Variants in PACSIN2 observed in about 807,000 individuals in gnomAD.
PACSIN2 encodes protein kinase C and casein kinase substrate in neurons protein 2.
PACSIN2 carries 25 observed loss-of-function variants against 63.8 expected under a neutral mutation model. That is an observed-to-expected ratio of 0.39 (90% CI 0.29 to 0.55). PACSIN2 has a LOEUF of 0.55. PACSIN2 is among the 20% of genes least tolerant of loss of function. The pLI is 0.62. For synonymous variants in PACSIN2, 255 were observed against 256.2 expected, an observed-to-expected ratio of 1.00 and a Z score of 0.05; for missense variants, 518 against 646.9, an observed-to-expected ratio of 0.80 and a Z score of 2.16.
At position 42,876,179 on chromosome 22, in the gene PACSIN2, C is replaced by T; in HGVS notation, c.1306G>A (p.Asp436Asn). ...TCATCATGCTCCTGCCCCTCATAGT[C>T]ATACAGGGCCCGGACTCGCACTTCC... The part of the protein sequence containing the change: ...GTEVRVRALY[D>N]YEGQEHDELS... The change falls in exon 10 of 11, where the codon GAC (aspartate) becomes AAC (asparagine). Residue 436 changes from aspartate to asparagine, a missense_variant. This residue lies in a region of PACSIN2 where 507 missense variants were observed against 612.3 expected (regional missense o/e 0.83). Coordinates refer to ENST00000263246, the MANE Select transcript of PACSIN2 (RefSeq NM_001184970.3). The T allele has an allele frequency of 6.2e-7, 1 of 1,614,230 alleles. No individual in the cohort carries two copies. The highest frequency in any genetic ancestry group is 8.5e-7 in the Non-Finnish European group (1 of 1,180,034).
In PACSIN2 at chr22:42,900,253, C is replaced by T. The variant is rs572639073; in HGVS notation, c.61-6640G>A. ...TCCCCATGCCCTTCGGGTCACAGCT[C>T]GTCTCAAAATTGCCTCGAGCACATT... is the stretch of plus-strand genomic sequence containing the variant. On this transcript the variant is annotated intron_variant, in intron 2 of 10. Coordinates refer to ENST00000263246, the MANE Select transcript of PACSIN2 (RefSeq NM_001184970.3). Among the ~76,000 whole-genome samples, 8 of 152,240 alleles carry T rather than the reference C, an allele frequency of 5.3e-5. No individual in the cohort carries two copies. In the South Asian group the frequency reaches 1.2e-3, roughly 24 times the overall value.
chr22:42,954,426 T>C (rs1263261061), intron 1 of PACSIN2, among the ~76,000 whole-genome samples: 1 of 152,060 alleles, frequency 6.6e-6, no homozygotes, highest in Non-Finnish European at 1.5e-5. Context: ...AGACAGGGTG[T>C]CCCTCTGTCA....
At chr22:42,875,597 G>A (rs1602163217) in intron 10 of PACSIN2, among the ~76,000 whole-genome samples, 1 of 151,794 alleles carries the variant, frequency 6.6e-6, no homozygotes, top group East Asian at 1.9e-4. Context: ...GTACAGTGGT[G>A]TGACCTTGGC....
chr22:42,980,550 G>A (rs1187368679), intron 1 of PACSIN2, among the ~76,000 whole-genome samples: 7 of 131,632 alleles, frequency 5.3e-5, no homozygotes, highest in Admixed American at 4.8e-4. Flanking sequence ...AAAGCTGGAC[G>A]GTACTGCTGC....
At chr22:42,885,779 G>C (rs1295800174) in intron 5 of PACSIN2, among the ~76,000 whole-genome samples, 1 of 152,102 alleles carries the variant, frequency 6.6e-6, no homozygotes. Flanking sequence ...CCGGGTCCTT[G>C]CTCTGCTTCT....
At chr22:42,919,364 G>A (rs971134429) in intron 1 of PACSIN2, among the ~76,000 whole-genome samples, 7 of 152,174 alleles carry the variant, frequency 4.6e-5, no homozygotes, top group Admixed American at 6.5e-5. Context: ...AAAGTGCAAA[G>A]TGACAGACAA....
intron 1 of PACSIN2, among the ~76,000 whole-genome samples, chr22:42,930,967 G>A (rs1170633819): frequency 6.6e-6 from 1 of 152,230 alleles, no homozygotes; most frequent in Non-Finnish European, 1.5e-5. Flanking sequence ...TGACTCTGAA[G>A]AGTGACAGGC....
intron 2 of PACSIN2, among the ~76,000 whole-genome samples, chr22:42,901,375 G>C (rs1930672105): frequency 6.6e-6 from 1 of 152,348 alleles, no homozygotes; most frequent in East Asian, 1.9e-4. Flanking sequence ...TTAATTCCAA[G>C]TCTGCAGTTG....
rs145000608 is a variant in PACSIN2 at position 43,015,034 on chromosome 22, G to C, written c.-91C>G. ...GCGGCCACTCACCTCCCAATCCGTC[G>C]CACACTCCGTTCAGGCTGCCACGGC... On this transcript the variant is annotated 5_prime_UTR_variant, in exon 1 of 11. Coordinates refer to ENST00000263246, the MANE Select transcript of PACSIN2 (RefSeq NM_001184970.3). 7,075 of 152,030 alleles carry C rather than the reference G, an allele frequency of 0.047. 579 individuals carry two copies. Among genetic ancestry groups the C allele is most frequent in the African/African-American group, 0.16 (6,774 of 41,428 alleles). The allele number at this position is 152,030 out of a possible 1,614,324, so 9.4% of individuals were successfully genotyped here.
chr22:42,975,342 G>A (rs1338731820), intron 1 of PACSIN2, among the ~76,000 whole-genome samples: 3 of 151,856 alleles, frequency 2.0e-5, no homozygotes, highest in Non-Finnish European at 2.9e-5. Context: ...AAGGGGGCTG[G>A]GCATGGTGGC....
chr22:42,881,189 G>A (rs1387310108), intron 7 of PACSIN2, among the ~76,000 whole-genome samples: 1 of 152,194 alleles, frequency 6.6e-6, no homozygotes, highest in Non-Finnish European at 1.5e-5. Context: ...AAGAAGTGCA[G>A]GAGTAAGGAC....
chr22:42,918,344 G>A (rs1931947690), intron 1 of PACSIN2, among the ~76,000 whole-genome samples: 2 of 152,186 alleles, frequency 1.3e-5, no homozygotes, highest in South Asian at 4.1e-4. Flanking sequence ...ATCAAACCAA[G>A]CAAGACTGCT....
At chr22:42,933,119 C>T (rs1479841999) in intron 1 of PACSIN2, among the ~76,000 whole-genome samples, 1 of 152,186 alleles carries the variant, frequency 6.6e-6, no homozygotes, top group Non-Finnish European at 1.5e-5. Flanking sequence ...TATTCAGAAC[C>T]TAGTCTATTA....
intron 1 of PACSIN2, among the ~76,000 whole-genome samples, chr22:42,948,163 G>A (rs12161016): frequency 1.1e-4 from 17 of 152,276 alleles, no homozygotes; most frequent in African/African-American, 3.9e-4. Flanking sequence ...CCCAGTGCAG[G>A]GTCCCGCTGG....
At chr22:42,929,703 G>A (rs1334782365) in intron 1 of PACSIN2, among the ~76,000 whole-genome samples, 4 of 152,134 alleles carry the variant, frequency 2.6e-5, no homozygotes, top group African/African-American at 4.8e-5. Context: ...ACTTCAACTC[G>A]GACAAGGCAG....
chr22:42,888,744 T>C lies in PACSIN2; in HGVS notation c.508A>G (p.Ile170Val). 2 of 1,613,980 alleles carry C rather than the reference T, an allele frequency of 1.2e-6. No individual in the cohort carries two copies. Among genetic ancestry groups the C allele is most frequent in the African/African-American group, 1.3e-5 (1 of 75,064 alleles). The stretch of plus-strand genomic sequence containing the variant: ...GCCTTGCTGTTGGCTTCTCGTGAGA[T>C]AGCCAGCTTCTCCTCTTTGCACGCT... ...HAACKEEKLA[I>V]SREANSKADP... Residue 170 changes from isoleucine to valine, a missense_variant, in exon 5 of 11, where the codon ATC becomes GTC. This residue lies in a region of PACSIN2 where 507 missense variants were observed against 612.3 expected (regional missense o/e 0.83). Coordinates refer to ENST00000263246, the MANE Select transcript of PACSIN2 (RefSeq NM_001184970.3).
At position 42,904,109 on chromosome 22, in the gene PACSIN2, G is replaced by A. The variant is rs549554669; in HGVS notation, c.60+7912C>T. ...TTTTCAGATCCTAACTCCAAAGGCA[G>A]AACACATAAGATAGACAACATAGAA... On this transcript the variant is annotated intron_variant, in intron 2 of 10. Coordinates refer to ENST00000263246, the MANE Select transcript of PACSIN2 (RefSeq NM_001184970.3). Among the ~76,000 whole-genome samples the A allele has an allele frequency of 2.0e-5, 3 of 152,300 alleles. No individual in the cohort carries two copies. The South Asian group carries it at 6.2e-4, about 32-fold the overall frequency.
intron 1 of PACSIN2, among the ~76,000 whole-genome samples, chr22:42,963,494 C>T (rs1920930690): frequency 6.6e-6 from 1 of 152,336 alleles, no homozygotes; most frequent in East Asian, 1.9e-4. Flanking sequence ...TAGCAGGACT[C>T]AAAGACAGGA....
chr22:42,999,309 T>G (rs920176905), intron 1 of PACSIN2, among the ~76,000 whole-genome samples: 2 of 152,186 alleles, frequency 1.3e-5, no homozygotes, highest in Non-Finnish European at 2.9e-5. Context: ...TCCAGGGAAC[T>G]CTCCCATTTC....
Sources: gnomAD v4.1 joint callset for allele counts (sites outside exome capture counted in the v4.1 genomes callset) on GRCh38, gnomAD v4.1.1 for gene constraint, gnomAD v4.1.1 regional missense constraint, MANE v1.5 for transcripts, NCBI Gene and HGNC (gene_info 2026-07-23, HGNC 2026-07-21) for gene names.